Variants in CTDSPL2 observed in about 807,000 individuals in gnomAD.
CTDSPL2 encodes CTD small phosphatase like 2, also known as CTD small phosphatase-like protein 2.
Under a neutral mutation model 60.0 loss-of-function variants are expected in CTDSPL2, and 5 were observed. The observed-to-expected ratio is 0.08, with a 90% confidence interval of 0.04 to 0.18. CTDSPL2 has a LOEUF of 0.18. Ranked by LOEUF, CTDSPL2 falls within the 10% of genes least tolerant of loss-of-function variation. The pLI, the probability that CTDSPL2 is intolerant of heterozygous loss-of-function variation, is 1.00. For synonymous variants in CTDSPL2, 186 were observed against 189.3 expected (o/e 0.98, Z 0.14); for missense variants, 370 against 548.8 (o/e 0.67, Z 3.26).
chr15:44,509,743 T>G (rs1257822026), intron 8 of CTDSPL2, among the ~76,000 whole-genome samples: 1 of 151,694 alleles, frequency 6.6e-6, no homozygotes, highest in East Asian at 2.0e-4. Context: ...CTTGCTGACA[T>G]GTCAAAACCC....
intron 5 of CTDSPL2, among the ~76,000 whole-genome samples, chr15:44,492,344 CAAAAG>C (rs1025835936): frequency 1.3e-5 from 2 of 151,596 alleles, no homozygotes; most frequent in African/African-American, 4.8e-5. Context: ...TTGGGAAAGA[CAAAAG>C]AAAAAAAGAA....
intron 2 of CTDSPL2, among the ~76,000 whole-genome samples, chr15:44,462,134 A>G (rs1345108199): frequency 1.3e-5 from 2 of 152,100 alleles, no homozygotes; most frequent in Non-Finnish European, 2.9e-5. Flanking sequence ...AATAGAGGCA[A>G]GGCTTCACCG....
In CTDSPL2 at chr15:44,524,243, T is replaced by C. The variant is rs1034526821; in HGVS notation, c.*69T>C. ...ACCCTTTTGGACTAAGACAAAAACA[T>C]TGCCATTACTGTTGAAATTTTGCAT... is the stretch of plus-strand genomic sequence containing the variant. On this transcript the variant is annotated 3_prime_UTR_variant, in exon 13 of 13. Transcript: ENST00000260327. 1.8e-5 allele frequency: 24 copies of C among 1,305,340 alleles called. No individual in the cohort carries two copies. Among genetic ancestry groups the C allele is most frequent in the Non-Finnish European group, 2.5e-5 (23 of 908,230 alleles). 80.9% of individuals were successfully genotyped at this position (1,305,340 alleles called of 1,614,324 possible).
At chr15:44,486,918 C>T in intron 4 of CTDSPL2, among the ~76,000 whole-genome samples, 1 of 152,024 alleles carries the variant, frequency 6.6e-6, no homozygotes, top group East Asian at 1.9e-4. Context: ...TACCTGCCAC[C>T]ATGCCCGGCT....
chr15:44,433,943 ACT>A (rs1357148599), intron 1 of CTDSPL2, among the ~76,000 whole-genome samples: 9 of 142,816 alleles, frequency 6.3e-5, no homozygotes, highest in Admixed American at 6.3e-4. Context: ...ACAGAGCAAG[ACT>A]CTCGTCTCAA....
At chr15:44,441,982 G>C (rs1003567383) in intron 1 of CTDSPL2, among the ~76,000 whole-genome samples, 3 of 152,090 alleles carry the variant, frequency 2.0e-5, no homozygotes, top group African/African-American at 7.2e-5. Flanking sequence ...ATTGATAGTG[G>C]AAAGAGAGAC....
At chr15:44,464,580 C>T (rs934187764) in intron 2 of CTDSPL2, among the ~76,000 whole-genome samples, 1 of 152,176 alleles carries the variant, frequency 6.6e-6, no homozygotes, top group Admixed American at 6.6e-5. Flanking sequence ...GATCTCTGTT[C>T]TTGACTTATA....
chr15:44,497,262 T>G (rs933650861), intron 7 of CTDSPL2, 124 bp downstream of exon 7: 1 of 546,542 alleles, frequency 1.8e-6, no homozygotes, highest in Non-Finnish European at 3.3e-6. Context: ...CAAAAATAAT[T>G]TGGGTCAACT....
chr15:44,432,758 T>TA (rs1567054901), intron 1 of CTDSPL2, among the ~76,000 whole-genome samples: 2 of 151,624 alleles, frequency 1.3e-5, no homozygotes, highest in African/African-American at 2.4e-5. Flanking sequence ...TAGCTGGCAT[T>TA]ACAGGTGCCC....
At chr15:44,505,735 CAAA>C (rs34005065) in intron 8 of CTDSPL2, among the ~76,000 whole-genome samples, 6 of 73,916 alleles carry the variant, frequency 8.1e-5, no homozygotes, top group Admixed American at 1.5e-4. Context: ...CTCTGTCTCC[CAAA>C]AAAAAAAAAA....
chr15:44,434,518 C>T (rs1407953840), intron 1 of CTDSPL2, among the ~76,000 whole-genome samples: 1 of 152,206 alleles, frequency 6.6e-6, no homozygotes, highest in Non-Finnish European at 1.5e-5. Context: ...CGCAGCCTCC[C>T]AAGTAGTTGG....
intron 2 of CTDSPL2, among the ~76,000 whole-genome samples, chr15:44,463,744 C>G (rs900798248): frequency 6.6e-6 from 1 of 152,142 alleles, no homozygotes; most frequent in East Asian, 1.9e-4. Context: ...TTCTTAATCA[C>G]ATATTCTAAA....
intron 2 of CTDSPL2, among the ~76,000 whole-genome samples, chr15:44,460,235 C>T (rs763696647): frequency 1.1e-4 from 17 of 152,236 alleles, no homozygotes; most frequent in African/African-American, 3.6e-4. Flanking sequence ...CTCAGCCTCC[C>T]GAGTAGCTGG....
intron 1 of CTDSPL2, chr15:44,449,159 ACT>A: frequency 3.3e-6 from 1 of 302,964 alleles, no homozygotes; most frequent in South Asian, 3.7e-5. Flanking sequence ...TTTCTGGGCC[ACT>A]TGGTCTCATA....
chr15:44,511,550 A>G (rs1174151111), intron 8 of CTDSPL2, among the ~76,000 whole-genome samples: 2 of 152,186 alleles, frequency 1.3e-5, no homozygotes, highest in Non-Finnish European at 2.9e-5. Flanking sequence ...CTAATTCAAA[A>G]AATGCGAAAT....
chr15:44,524,272 T>G lies in CTDSPL2; in HGVS notation c.*98T>G. ...CATTACTGTTGAAATTTTGCATTTT[T>G]GTACCCCGTCTTGCTTTTCTTATCT... On this transcript the variant is annotated 3_prime_UTR_variant, in exon 13 of 13. Transcript: ENST00000260327. 1 of 909,634 alleles carries G rather than the reference T, an allele frequency of 1.1e-6. No homozygotes were observed. The highest frequency in any genetic ancestry group is 1.8e-6 in the Non-Finnish European group (1 of 557,730). 56.3% of individuals were successfully genotyped at this position (909,634 alleles called of 1,614,324 possible). A position where few individuals can be genotyped will look rare whatever the true frequency, so the allele number is the denominator to read the frequency against.
chr15:44,508,508 CAG>C (rs144959706), intron 8 of CTDSPL2, among the ~76,000 whole-genome samples: 4,069 of 152,216 alleles, frequency 0.027, 89 homozygotes, highest in East Asian at 0.097. Context: ...TAAAAGAAAA[CAG>C]ATGTCATACT....
intron 1 of CTDSPL2, among the ~76,000 whole-genome samples, chr15:44,442,597 A>G (rs1227120103): frequency 6.6e-6 from 1 of 151,996 alleles, no homozygotes; most frequent in Non-Finnish European, 1.5e-5. Flanking sequence ...GCGGGGTAGG[A>G]GGCAAATTTT....
chr15:44,458,908 T>C, intron 1 of CTDSPL2, 83 bp from the exon 2 acceptor site: 1 of 892,258 alleles, frequency 1.1e-6, no homozygotes, highest in Non-Finnish European at 1.6e-6. Flanking sequence ...ATTTTTATTA[T>C]ATAAGCTGGG....
Sources: allele counts gnomAD v4.1 joint callset (sites outside exome capture counted in the v4.1 genomes callset), GRCh38; gene constraint gnomAD v4.1.1; transcripts MANE v1.5; gene names NCBI Gene and HGNC (gene_info 2026-07-23, HGNC 2026-07-21).